The following DDX23 variants were observed in gnomAD, a reference collection of about 807,000 sequenced individuals.
The protein encoded by DDX23 is DEAD-box helicase 23, also known as probable ATP-dependent RNA helicase DDX23.
Under a neutral mutation model 102.7 loss-of-function variants are expected in DDX23, and 33 were observed. The ratio of observed to expected loss-of-function variants is 0.32; its 90% CI spans 0.24 to 0.43. DDX23 has a LOEUF of 0.43. Among genes scored for constraint, DDX23 ranks in the 20% least tolerant of loss-of-function variants. DDX23 has a pLI of 1.00. For synonymous variants in DDX23, 352 were observed against 376.0 expected (o/e 0.94, Z 0.74); for missense variants, 549 against 1,086.6 (o/e 0.51, Z 6.96).
Position 48,843,989 on chromosome 12 carries a change from C to G in DDX23, c.271G>C (p.Asp91His), listed in dbSNP as rs776487202. ...CGTCTGTGCCCATCCTTGTCTCGAT[C>G]TCGGTCCTTCTTATTCCGATCCCGC... ...KERDRNKKDR[D>H]RDKDGHRRDK... Residue 91 changes from aspartate (D) to histidine (H), a missense_variant, in exon 3 of 17, where the codon GAT becomes CAT. Around this residue, in one of 4 missense-constraint regions of DDX23, gnomAD observed 241 missense variants for 267.0 expected, o/e 0.90. Transcript: ENST00000308025. 1 of 1,614,170 alleles carries G rather than the reference C, an allele frequency of 6.2e-7. No individual in the cohort carries two copies. The highest frequency in any genetic ancestry group is 1.7e-5 in the Admixed American group (1 of 60,012).
At chr12:48,843,552 T>A (rs567239538) in intron 3 of DDX23, among the ~76,000 whole-genome samples, 2 of 145,946 alleles carry the variant, frequency 1.4e-5, no homozygotes, top group South Asian at 4.3e-4. Context: ...TCTTTCTTTT[T>A]TTTTTTTTTT....
chr12:48,830,447 A>G lies in DDX23; in HGVS notation c.*22T>C, dbSNP rs1418074021. ...ATCAGGCAGCTTTGGAGATGCCCTCAGCCCACAGGAAGAGTGCTGTGTCAG... is the reference window on the plus strand; with the variant it reads ...ATCAGGCAGCTTTGGAGATGCCCTCGGCCCACAGGAAGAGTGCTGTGTCAG... On this transcript the variant is annotated 3_prime_UTR_variant, in exon 17 of 17. Coordinates refer to ENST00000308025, the MANE Select transcript of DDX23 (RefSeq NM_004818.3). This position sits in a 1 kb window ranked among gnomAD's most constrained non-coding sequence, Gnocchi z 4.9. 6 of 1,613,514 alleles carry G rather than the reference A, an allele frequency of 3.7e-6. No homozygotes were observed. Among genetic ancestry groups the G allele is most frequent in the African/African-American group, 1.3e-5 (1 of 74,882 alleles).
intron 3 of DDX23, among the ~76,000 whole-genome samples, chr12:48,841,691 G>A (rs2926798): frequency 0.43 from 66,038 of 152,112 alleles, 14,502 homozygotes; most frequent in East Asian, 0.59. Context: ...TCCAGCTCCT[G>A]ACCGCGAGTG....
rs568584863 is a variant in DDX23, at chr12:48,838,964, C to G, written c.480+880G>C. Reference sequence around the variant, plus strand: ...CATCATGGCTCACTGCAGCTTCAACCTCCTGGGCTCAAGCAATATCCTTGC... The same window carrying G: ...CATCATGGCTCACTGCAGCTTCAACGTCCTGGGCTCAAGCAATATCCTTGC... On this transcript the variant is annotated intron_variant, in intron 5 of 16. Coordinates refer to ENST00000308025, the MANE Select transcript of DDX23 (RefSeq NM_004818.3). Among the ~76,000 whole-genome samples the G allele has an allele frequency of 2.0e-5, 3 of 152,284 alleles. No individual in the cohort carries two copies. The South Asian group carries it at 6.2e-4, about 32-fold the overall frequency.
At chr12:48,845,852 T>G in intron 1 of DDX23, 70 bp from the exon 2 acceptor site, 1 of 1,500,176 alleles carries the variant, frequency 6.7e-7, no homozygotes, top group Non-Finnish European at 9.1e-7. Context: ...ATAATTCAAT[T>G]ACCCTCAAAA....
In DDX23 at chr12:48,832,970, G is replaced by A; in HGVS notation, c.1803+307C>T. 2.2e-6 allele frequency: 1 copy of A among 459,908 alleles called. No individual in the cohort carries two copies. The allele number at this position is 459,908 out of a possible 1,614,324, so 28.5% of individuals were successfully genotyped here. ...GCAAGAAAGGCCCAAAAGGAGGTTG[G>A]CAACCTTGTACAACTTTTCTTTTTT... On this transcript the variant is annotated intron_variant, in intron 13 of 16. Transcript: ENST00000308025. The surrounding 1 kb of genome is among the most constrained non-coding windows in gnomAD (Gnocchi z 4.4).
At position 48,833,390 on chromosome 12, in the gene DDX23, G is replaced by A; in HGVS notation, c.1690C>T (p.Gln564Ter). Residue 564 changes from glutamine (Q) to a stop codon, truncating the protein, a stop_gained, in exon 13 of 17, where the codon CAG (glutamine) becomes TAG (stop). Coordinates refer to ENST00000308025, the MANE Select transcript of DDX23 (RefSeq NM_004818.3). LOFTEE classifies it high-confidence loss of function. Reference protein sequence around the residue: ...MIDMGFEPDVQKILEHMPVSN... With the variant: ...MIDMGFEPDV ...ACAGGCATGTGCTCCAGGATCTTCT[G>A]GACATCTGGCTCAAAGCCCATGTCA... The A allele has an allele frequency of 6.2e-7, 1 of 1,614,112 alleles. No homozygotes were observed. Among genetic ancestry groups the A allele is most frequent in the Non-Finnish European group, 8.5e-7 (1 of 1,180,022 alleles).
chr12:48,830,711 G>A lies in DDX23; in HGVS notation c.2240-19C>T, dbSNP rs1938373141. ...ATGTAATCTGGGGAATGGGAAGAAC[G>A]TCACTCAGCATAGCCCAGATGCCCT... is the stretch of plus-strand genomic sequence containing the variant. On this transcript the variant is annotated intron_variant, in intron 16 of 16. Coordinates refer to ENST00000308025, the MANE Select transcript of DDX23 (RefSeq NM_004818.3). This position sits in a 1 kb window ranked among gnomAD's most constrained non-coding sequence, Gnocchi z 4.9. 5.7e-6 allele frequency: 9 copies of A among 1,587,274 alleles called. No homozygotes were observed. The highest frequency in any genetic ancestry group is 1.7e-5 in the Admixed American group (1 of 58,360).
Position 48,830,874 on chromosome 12 carries a change from A to C in DDX23, c.2240-182T>G, listed in dbSNP as rs1938376210. 1.3e-5 allele frequency among the ~76,000 whole-genome samples: 2 copies of C among 152,078 alleles called. No individual in the cohort carries two copies. Among genetic ancestry groups the C allele is most frequent in the Admixed American group, 6.5e-5 (1 of 15,274 alleles). Reference sequence around the variant, plus strand: ...AGGTGCCCATCTCCCCTGTCCTCCTACTGACTGTGGTCCCTACCACACTAA... The same window carrying C: ...AGGTGCCCATCTCCCCTGTCCTCCTCCTGACTGTGGTCCCTACCACACTAA... On this transcript the variant is annotated intron_variant, in intron 16 of 16. Transcript: ENST00000308025. The surrounding 1 kb of genome is among the most constrained non-coding windows in gnomAD (Gnocchi z 4.9).
intron 3 of DDX23, among the ~76,000 whole-genome samples, chr12:48,842,407 T>G (rs1302821173): frequency 2.7e-5 from 3 of 109,622 alleles, no homozygotes; most frequent in Non-Finnish European, 3.7e-5. Context: ...GTGGGGGAGG[T>G]CAGCCCCCCG....
intron 2 of DDX23, among the ~76,000 whole-genome samples, chr12:48,845,059 G>A (rs1359958522): frequency 6.6e-6 from 1 of 151,604 alleles, no homozygotes; most frequent in Non-Finnish European, 1.5e-5. Flanking sequence ...GGCTGAGGCA[G>A]GAGAATTGCT....
At chr12:48,837,148 C>T in intron 8 of DDX23, 111 bp from the exon 9 acceptor site, 1 of 1,562,370 alleles carries the variant, frequency 6.4e-7, no homozygotes, top group Non-Finnish European at 8.7e-7. Flanking sequence ...CTTTCTTCCA[C>T]CAGAGGGCTG....
At position 48,832,590 on chromosome 12, in the gene DDX23, C is replaced by A; in HGVS notation, c.1804-17G>T. On this transcript the variant is annotated splice_polypyrimidine_tract_variant and intron_variant, in intron 13 of 16. Coordinates refer to ENST00000308025, the MANE Select transcript of DDX23 (RefSeq NM_004818.3). The surrounding 1 kb of genome is among the most constrained non-coding windows in gnomAD (Gnocchi z 4.4). ...CATGACTGTCTACGAAAACAGGAGG[C>A]TCAGCCCTGCACCCAGGCAGGAATA... 6.2e-7 allele frequency: 1 copy of A among 1,612,732 alleles called. No homozygotes were observed. The highest frequency in any genetic ancestry group is 8.5e-7 in the Non-Finnish European group (1 of 1,178,922).
intron 1 of DDX23, among the ~76,000 whole-genome samples, chr12:48,848,936 T>C (rs545505012): frequency 1.3e-5 from 2 of 152,122 alleles, no homozygotes; most frequent in Admixed American, 6.5e-5. Context: ...GTATTTTTAG[T>C]AGAGGCGGGG....
Position 48,836,382 on chromosome 12 carries a change from C to T in DDX23, c.1237-116G>A, listed in dbSNP as rs2137484222. ...ATGGAAGGATGCCAAGTACAGTTCA[C>T]AGAAATAGGGACCCCAAGAAGAAAC... On this transcript the variant is annotated intron_variant, in intron 10 of 16. Transcript: ENST00000308025. The surrounding 1 kb of genome is among the most constrained non-coding windows in gnomAD (Gnocchi z 6.1). 3 of 1,352,848 alleles carry T rather than the reference C, an allele frequency of 2.2e-6. No homozygotes were observed. The East Asian group carries it at 6.9e-5, about 31-fold the overall frequency. The allele number at this position is 1,352,848 out of a possible 1,614,324, so 83.8% of individuals were successfully genotyped here.
rs534211315 is a variant in DDX23, at chr12:48,837,108, T to A, written c.867-71A>T. The A allele has an allele frequency of 2.0e-4, 320 of 1,600,274 alleles. 1 individual carries two copies. The highest frequency in any genetic ancestry group is 1.4e-3 in the Middle Eastern group (8 of 5,540). ...GCAGTAGGAAGGAAGGGCAGACTAC[T>A]AGTATGAAACAGTTCTTCCCAGACA... On this transcript the variant is annotated intron_variant, in intron 8 of 16. Coordinates refer to ENST00000308025, the MANE Select transcript of DDX23 (RefSeq NM_004818.3).
At position 48,830,831 on chromosome 12, in the gene DDX23, G is replaced by A. The variant is rs893433188; in HGVS notation, c.2240-139C>T. ...AGCACATGCTGCCTGAACCTGAGGC[G>A]CCCACAGTGCCCTCTCCAGGTGCCC... On this transcript the variant is annotated intron_variant, in intron 16 of 16. Coordinates refer to ENST00000308025, the MANE Select transcript of DDX23 (RefSeq NM_004818.3). This position sits in a 1 kb window ranked among gnomAD's most constrained non-coding sequence, Gnocchi z 4.9. 3.4e-5 allele frequency: 30 copies of A among 875,880 alleles called. No homozygotes were observed. The highest frequency in any genetic ancestry group is 1.4e-4 in the African/African-American group (8 of 58,768). 54.3% of individuals were successfully genotyped at this position (875,880 alleles called of 1,614,324 possible). A position where few individuals can be genotyped will look rare whatever the true frequency, so the allele number is the denominator to read the frequency against.
chr12:48,837,171 T>C, intron 8 of DDX23, 110 bp downstream of exon 8: 1 of 1,547,574 alleles, frequency 6.5e-7, no homozygotes. Context: ...TGACTACCAG[T>C]CTACCAATTT....
At chr12:48,844,132 T>C in intron 2 of DDX23, 82 bp from the exon 3 acceptor site, 1 of 1,254,430 alleles carries the variant, frequency 8.0e-7, no homozygotes, top group Admixed American at 1.7e-5. Context: ...GTTCCTATAC[T>C]CTCGTCCCAA....
Sources: gnomAD v4.1 joint callset for allele counts (sites outside exome capture counted in the v4.1 genomes callset) on GRCh38, gnomAD v4.1.1 for gene constraint, gnomAD v4.1.1 regional missense constraint, Gnocchi (gnomAD v3.1) non-coding constraint, MANE v1.5 for transcripts, NCBI Gene and HGNC (gene_info 2026-07-23, HGNC 2026-07-21) for gene names.